The following RAB8A variants were observed in gnomAD, a reference collection of about 807,000 sequenced individuals.
RAB8A encodes the protein ras-related protein Rab-8A.
In RAB8A, 5 loss-of-function variants were observed where a neutral mutation model predicts 29.2. The ratio of observed to expected loss-of-function variants is 0.17; its 90% CI spans 0.09 to 0.36. The LOEUF (loss-of-function observed/expected upper bound fraction) is 0.36, where lower values mean the gene tolerates loss of function less well. RAB8A is among the 10% of genes least tolerant of loss of function. RAB8A has a pLI of 1.00. For missense variants in RAB8A, 171 were observed against 272.2 expected, an observed-to-expected ratio of 0.63 and a Z score of 2.62; for synonymous variants, 108 against 99.9, an observed-to-expected ratio of 1.08 and a Z score of -0.49.
intron 2 of RAB8A, among the ~76,000 whole-genome samples, chr19:16,118,684 A>C (rs568400127): frequency 6.6e-6 from 1 of 152,064 alleles, no homozygotes; most frequent in African/African-American, 2.4e-5. Flanking sequence ...GAGCCTCTCA[A>C]CCCACTCAGA....
rs200560717 is a variant in RAB8A at position 16,132,077 on chromosome 19, T to TTTGGTTGGTTGG, written c.532-118_532-107dup. 14 of 674,188 alleles carry TTTGGTTGGTTGG rather than the reference T, an allele frequency of 2.1e-5. No individual in the cohort carries two copies. Among genetic ancestry groups the TTTGGTTGGTTGG allele is most frequent in the Admixed American group, 4.8e-5 (2 of 41,832 alleles). The allele number at this position is 674,188 out of a possible 1,614,324, so 41.8% of individuals were successfully genotyped here. A position where few individuals can be genotyped will look rare whatever the true frequency, so the allele number is the denominator to read the frequency against. On this transcript the variant is annotated intron_variant, in intron 7 of 7. Transcript: ENST00000300935. The surrounding 1 kb of genome is among the most constrained non-coding windows in gnomAD (Gnocchi z 5.6). The stretch of plus-strand genomic sequence containing the variant: ...TTGGCTGGTTTGATTGGTTTGGTTG[T>TTTGGTTGGTTGG]TTGGTTGGTTGGTTGGTTGGTTGGT...
At position 16,132,170 on chromosome 19, in the gene RAB8A, T is replaced by A; in HGVS notation, c.532-42T>A. ...GCTGGTTGATTGTGAGACGTAGTGC[T>A]GATTCTCAGTGATAACCTCAGAAAA... On this transcript the variant is annotated intron_variant, in intron 7 of 7. Transcript: ENST00000300935. This position sits in a 1 kb window ranked among gnomAD's most constrained non-coding sequence, Gnocchi z 5.6. The A allele has an allele frequency of 6.9e-7, 1 of 1,458,286 alleles. No individual in the cohort carries two copies. The highest frequency in any genetic ancestry group is 9.6e-7 in the Non-Finnish European group (1 of 1,038,384). The allele number at this position is 1,458,286 out of a possible 1,614,324, so 90.3% of individuals were successfully genotyped here.
chr19:16,127,882 G>A lies in RAB8A; in HGVS notation c.415-144G>A, dbSNP rs1310840848. 3 of 789,198 alleles carry A rather than the reference G, an allele frequency of 3.8e-6. No individual in the cohort carries two copies. Among genetic ancestry groups the A allele is most frequent in the Non-Finnish European group, 6.5e-6 (3 of 463,002 alleles). The allele number at this position is 789,198 out of a possible 1,614,324, so 48.9% of individuals were successfully genotyped here. On this transcript the variant is annotated intron_variant, in intron 5 of 7. Coordinates refer to ENST00000300935, the MANE Select transcript of RAB8A (RefSeq NM_005370.5). This position sits in a 1 kb window ranked among gnomAD's most constrained non-coding sequence, Gnocchi z 4.8. ...AGGGGCATTCACTATAGAATTGAGG[G>A]AGTGATCCAGGAAGTCACGCCCACA...
At chr19:16,126,371 G>C (rs544736707) in intron 4 of RAB8A, 3 of 152,856 alleles carry the variant, frequency 2.0e-5, no homozygotes, top group African/African-American at 7.2e-5. Context: ...CCGTGGAGAG[G>C]AGGAGAGCCT....
At chr19:16,116,177 C>A (rs893188755) in intron 1 of RAB8A, among the ~76,000 whole-genome samples, 1 of 152,274 alleles carries the variant, frequency 6.6e-6, no homozygotes, top group Non-Finnish European at 1.5e-5. Flanking sequence ...AAAGAACTTT[C>A]CAGGGCAGGG....
intron 7 of RAB8A, 152 bp downstream of exon 7, chr19:16,129,756 G>T: frequency 1.3e-6 from 1 of 795,482 alleles, no homozygotes; most frequent in Admixed American, 2.0e-5. Flanking sequence ...GAGTTTGCAG[G>T]TGTGGCTGGG....
At position 16,132,050 on chromosome 19, in the gene RAB8A, G is replaced by T. The variant is rs186957329; in HGVS notation, c.532-162G>T. On this transcript the variant is annotated intron_variant, in intron 7 of 7. Coordinates refer to ENST00000300935, the MANE Select transcript of RAB8A (RefSeq NM_005370.5). The surrounding 1 kb of genome is among the most constrained non-coding windows in gnomAD (Gnocchi z 5.6). ...GGATGGCTCGTTGGTTAGTTGGTTG[G>T]TTTGGCTGGTTTGATTGGTTTGGTT... 6.6e-6 allele frequency among the ~76,000 whole-genome samples: 1 copy of T among 151,838 alleles called. No individual in the cohort carries two copies. The highest frequency in any genetic ancestry group is 2.4e-5 in the African/African-American group (1 of 41,414).
chr19:16,118,199 A>G (rs1214818470), intron 1 of RAB8A, 27 bp from the exon 2 acceptor site: 2 of 1,596,782 alleles, frequency 1.3e-6, no homozygotes, highest in African/African-American at 2.7e-5. Context: ...GCTGACAGTG[A>G]CGTGCCTTTT....
intron 1 of RAB8A, among the ~76,000 whole-genome samples, chr19:16,117,079 C>T (rs2090849222): frequency 6.6e-6 from 1 of 152,128 alleles, no homozygotes; most frequent in African/African-American, 2.4e-5. Context: ...AAGGTTCATC[C>T]ACATTGTATA....
intron 7 of RAB8A, among the ~76,000 whole-genome samples, chr19:16,130,926 C>T (rs765050346): frequency 5.3e-5 from 8 of 152,068 alleles, no homozygotes; most frequent in Non-Finnish European, 7.4e-5. Flanking sequence ...CAGGTTCAAG[C>T]GGTTCTTCTG....
Position 16,127,633 on chromosome 19 carries a change from AC to A in RAB8A, c.414+111del. 2.2e-6 allele frequency: 2 copies of A among 890,166 alleles called. No homozygotes were observed. The highest frequency in any genetic ancestry group is 3.3e-6 in the Non-Finnish European group (2 of 609,214). The allele number at this position is 890,166 out of a possible 1,614,324, so 55.1% of individuals were successfully genotyped here. ...CCCAGGGGCCTGAGACGAGTTGGTC[AC>A]CCCAGTGGGGCACGTGCCATGGGAT... On this transcript the variant is annotated intron_variant, in intron 5 of 7. Transcript: ENST00000300935. The surrounding 1 kb of genome is among the most constrained non-coding windows in gnomAD (Gnocchi z 4.8).
At chr19:16,117,099 A>G (rs1235252298) in intron 1 of RAB8A, among the ~76,000 whole-genome samples, 40 of 152,154 alleles carry the variant, frequency 2.6e-4, no homozygotes, top group Non-Finnish European at 2.9e-4. Flanking sequence ...AGCATGGATG[A>G]GTACTCCGTT....
chr19:16,133,055 A>C lies in RAB8A; in HGVS notation c.*751A>C, dbSNP rs2090935614. The C allele has an allele frequency of 6.6e-6, 1 of 152,442 alleles. No individual in the cohort carries two copies. 9.4% of individuals were successfully genotyped at this position (152,442 alleles called of 1,614,324 possible). A position where few individuals can be genotyped will look rare whatever the true frequency, so the allele number is the denominator to read the frequency against. ...GTGTGCTGCAAGTGACCCCGAAAAC[A>C]ACCACAGCCGTCACATGGTCCTCCT... On this transcript the variant is annotated 3_prime_UTR_variant, in exon 8 of 8. Coordinates refer to ENST00000300935, the MANE Select transcript of RAB8A (RefSeq NM_005370.5).
intron 2 of RAB8A, among the ~76,000 whole-genome samples, chr19:16,120,142 C>T (rs1334232446): frequency 6.6e-6 from 1 of 151,964 alleles, no homozygotes; most frequent in African/African-American, 2.4e-5. Flanking sequence ...ACTCATGTCT[C>T]CTGCTGCTGG....
At position 16,133,847 on chromosome 19, in the gene RAB8A, C is replaced by G. The variant is rs2090941693; in HGVS notation, c.*1543C>G. The stretch of plus-strand genomic sequence containing the variant: ...CTGTAATCCCAGCACTCTGGGAGGC[C>G]AAGGCGGGCTGATCACTTGAGCTCA... On this transcript the variant is annotated 3_prime_UTR_variant, in exon 8 of 8. Coordinates refer to ENST00000300935, the MANE Select transcript of RAB8A (RefSeq NM_005370.5). The G allele has an allele frequency of 6.6e-6, 1 of 152,320 alleles. No homozygotes were observed. Among genetic ancestry groups the G allele is most frequent in the Non-Finnish European group, 1.5e-5 (1 of 68,122 alleles). 9.4% of individuals were successfully genotyped at this position (152,320 alleles called of 1,614,324 possible).
chr19:16,114,251 G>C (rs937160155), intron 1 of RAB8A, among the ~76,000 whole-genome samples: 8 of 151,948 alleles, frequency 5.3e-5, no homozygotes, highest in African/African-American at 1.9e-4. Flanking sequence ...CTGGGCAACA[G>C]AGCGAGACCC....
rs1461355659 is a variant in RAB8A, at chr19:16,128,199, C to T, written c.480+108C>T. On this transcript the variant is annotated intron_variant, in intron 6 of 7. Transcript: ENST00000300935. Reference sequence around the variant, plus strand: ...GAGGTCCTGCCAGACGGACCAGCCTCGGGCTCAGGGCTGCCAGTCAGTCCT... The same window carrying T: ...GAGGTCCTGCCAGACGGACCAGCCTTGGGCTCAGGGCTGCCAGTCAGTCCT... The T allele has an allele frequency of 5.0e-6, 6 of 1,205,568 alleles. No homozygotes were observed. In the Admixed American group the frequency reaches 8.1e-5, roughly 16 times the overall value. The allele number at this position is 1,205,568 out of a possible 1,614,324, so 74.7% of individuals were successfully genotyped here. A position where few individuals can be genotyped will look rare whatever the true frequency, so the allele number is the denominator to read the frequency against.
chr19:16,133,240 G>A lies in RAB8A; in HGVS notation c.*936G>A, dbSNP rs1316145295. ...TCTTTGACTTCCAATGGCAAACCTG[G>A]GTGATCGGGAACAAGCACGTTGTAC... On this transcript the variant is annotated 3_prime_UTR_variant, in exon 8 of 8. Coordinates refer to ENST00000300935, the MANE Select transcript of RAB8A (RefSeq NM_005370.5). 1 of 152,226 alleles carries A rather than the reference G, an allele frequency of 6.6e-6. No individual in the cohort carries two copies. Among genetic ancestry groups the A allele is most frequent in the East Asian group, 1.9e-4 (1 of 5,196 alleles). 9.4% of individuals were successfully genotyped at this position (152,226 alleles called of 1,614,324 possible).
intron 3 of RAB8A, 104 bp downstream of exon 3, chr19:16,121,914 C>T: frequency 8.7e-7 from 1 of 1,143,486 alleles, no homozygotes; most frequent in Non-Finnish European, 1.3e-6. Flanking sequence ...GGAGCCCGTG[C>T]CCCAACTCCT....
Sources: gnomAD v4.1 joint callset for allele counts (sites outside exome capture counted in the v4.1 genomes callset) on GRCh38, gnomAD v4.1.1 for gene constraint, Gnocchi (gnomAD v3.1) non-coding constraint, MANE v1.5 for transcripts, NCBI Gene and HGNC (gene_info 2026-07-23, HGNC 2026-07-21) for gene names.